The following UNC13C variants were observed in gnomAD, a reference collection of about 807,000 sequenced individuals.
UNC13C encodes the protein protein unc-13 homolog C.
A neutral mutation model predicts 245.4 loss-of-function variants in UNC13C; 174 were observed. The ratio of observed to expected loss-of-function variants is 0.71; its 90% CI spans 0.63 to 0.80. The LOEUF (loss-of-function observed/expected upper bound fraction) is 0.80. Among genes scored for constraint, UNC13C ranks in the 30% least tolerant of loss-of-function variants. The probability of loss-of-function intolerance (pLI) is 0.00; values close to 1 mark genes in which losing one functional copy is unlikely to be tolerated. For missense variants in UNC13C, 2,829 were observed against 2,602.9 expected (o/e 1.09, Z -1.89); for synonymous variants, 992 against 895.1 (o/e 1.11, Z -1.93).
chr15:53,966,295 A>G, the UNC13C span, among the ~76,000 whole-genome samples: 4 of 152,106 alleles, frequency 2.6e-5, no homozygotes, highest in African/African-American at 7.2e-5. Flanking sequence ...ATAACAAGGC[A>G]CCTGATATCC....
At chr15:54,341,270 T>C (rs2038722018) in intron 17 of UNC13C, among the ~76,000 whole-genome samples, 1 of 152,184 alleles carries the variant, frequency 6.6e-6, no homozygotes, top group Non-Finnish European at 1.5e-5. Context: ...GTATACTATG[T>C]AGCCATCAAA....
chr15:54,143,962 A>AGAATC (rs1393393919), intron 4 of UNC13C, among the ~76,000 whole-genome samples: 5 of 152,216 alleles, frequency 3.3e-5, no homozygotes, highest in African/African-American at 1.2e-4. Context: ...ATACCCAAAT[A>AGAATC]GAATCACAAA....
At chr15:54,546,645 T>G (rs568951073) in intron 26 of UNC13C, 77 bp from the exon 27 acceptor site, 1 of 846,124 alleles carries the variant, frequency 1.2e-6, no homozygotes, top group South Asian at 3.3e-5. Context: ...AATTTAGCAT[T>G]TGAAAATCGT....
chr15:54,499,641 G>C (rs1388096901), intron 20 of UNC13C, among the ~76,000 whole-genome samples: 1 of 152,108 alleles, frequency 6.6e-6, no homozygotes, highest in East Asian at 1.9e-4. Flanking sequence ...CCAAAAATCA[G>C]TTGTCCATAG....
chr15:54,457,960 T>C (rs1429776882), intron 19 of UNC13C, among the ~76,000 whole-genome samples: 1 of 151,146 alleles, frequency 6.6e-6, no homozygotes, highest in Non-Finnish European at 1.5e-5. Context: ...TTTCTCCAGT[T>C]CCTTGAGGTG....
At chr15:54,307,462 A>T (rs1394497465) in intron 13 of UNC13C, among the ~76,000 whole-genome samples, 1 of 151,974 alleles carries the variant, frequency 6.6e-6, no homozygotes, top group Non-Finnish European at 1.5e-5. Flanking sequence ...TCAACATATG[A>T]GTTTTTCATG....
At chr15:54,227,551 G>A (rs758435733) in intron 4 of UNC13C, among the ~76,000 whole-genome samples, 145 of 152,296 alleles carry the variant, frequency 9.5e-4, no homozygotes, top group Middle Eastern at 3.4e-3. Context: ...GGAGACCGAG[G>A]GGGCAGGGGG....
intron 30 of UNC13C, among the ~76,000 whole-genome samples, chr15:54,611,960 A>G (rs1288812713): frequency 1.3e-5 from 2 of 152,144 alleles, no homozygotes; most frequent in South Asian, 2.1e-4. Flanking sequence ...TGAACTGTCA[A>G]GTTTACAACT....
chr15:54,036,863 T>C (rs1201071223), intron 2 of UNC13C, among the ~76,000 whole-genome samples: 1 of 152,210 alleles, frequency 6.6e-6, no homozygotes, highest in Non-Finnish European at 1.5e-5. Context: ...TTTATGAACA[T>C]GGAAAACCTT....
At chr15:54,064,094 G>T (rs11071021) in intron 2 of UNC13C, among the ~76,000 whole-genome samples, 63,650 of 150,672 alleles carry the variant, frequency 0.42, 16,435 homozygotes, top group Non-Finnish European at 0.57. Context: ...TTTTTTTTCA[G>T]ATTTGTCAGG....
chr15:53,926,642 T>C, the UNC13C span, among the ~76,000 whole-genome samples: 1 of 152,208 alleles, frequency 6.6e-6, no homozygotes, highest in Non-Finnish European at 1.5e-5. Context: ...GTCAGAAATA[T>C]TGCAAGGCAG....
chr15:54,074,581 G>A (rs1898496263), intron 2 of UNC13C, among the ~76,000 whole-genome samples: 1 of 152,126 alleles, frequency 6.6e-6, no homozygotes, highest in Non-Finnish European at 1.5e-5. Flanking sequence ...AGTTCTCCTT[G>A]AAGAGGTCTT....
chr15:53,987,206 G>A (rs1595681335), intron 1 of UNC13C, among the ~76,000 whole-genome samples: 1 of 151,882 alleles, frequency 6.6e-6, no homozygotes. Flanking sequence ...AGATAAATAG[G>A]CATTTCTTGG....
At chr15:54,481,558 T>C (rs932090928) in intron 19 of UNC13C, among the ~76,000 whole-genome samples, 1 of 152,092 alleles carries the variant, frequency 6.6e-6, no homozygotes, top group East Asian at 1.9e-4. Context: ...CAAGTACTGG[T>C]TGCAGCAGCA....
chr15:54,619,688 C>T (rs775153798), intron 30 of UNC13C, among the ~76,000 whole-genome samples: 1 of 152,134 alleles, frequency 6.6e-6, no homozygotes, highest in African/African-American at 2.4e-5. Context: ...TCAGAGGACA[C>T]TAATGTTGTT....
chr15:54,457,972 G>C (rs1403684238), intron 19 of UNC13C, among the ~76,000 whole-genome samples: 1 of 144,090 alleles, frequency 6.9e-6, no homozygotes, highest in Non-Finnish European at 1.5e-5. Context: ...CTTGAGGTGT[G>C]AGCTTATATT....
chr15:54,174,029 C>T (rs868153947), intron 4 of UNC13C, among the ~76,000 whole-genome samples: 7 of 152,014 alleles, frequency 4.6e-5, no homozygotes, highest in Middle Eastern at 3.2e-3. Context: ...ATATTGTATT[C>T]TTATGATAAA....
At chr15:54,371,453 A>G (rs2039485895) in intron 17 of UNC13C, among the ~76,000 whole-genome samples, 1 of 152,174 alleles carries the variant, frequency 6.6e-6, no homozygotes, top group Non-Finnish European at 1.5e-5. Context: ...TCCAAGTTGA[A>G]TAAAGCGGAA....
At chr15:54,009,579 G>A (rs970628315) in intron 1 of UNC13C, among the ~76,000 whole-genome samples, 28 of 144,672 alleles carry the variant, frequency 1.9e-4, no homozygotes, top group African/African-American at 7.0e-4. Flanking sequence ...ATGAAATCTC[G>A]CTTTGTCACC....
Sources: gnomAD v4.1 joint callset for allele counts (sites outside exome capture counted in the v4.1 genomes callset) on GRCh38, gnomAD v4.1.1 for gene constraint, MANE v1.5 for transcripts, NCBI Gene and HGNC (gene_info 2026-07-23, HGNC 2026-07-21) for gene names.